HS3ST4: variants seen among roughly 807,000 people sequenced by gnomAD.
HS3ST4 encodes heparan sulfate-glucosamine 3-sulfotransferase 4.
Under a neutral mutation model 29.2 loss-of-function variants are expected in HS3ST4, and 17 were observed. The ratio of observed to expected loss-of-function variants is 0.58; its 90% CI spans 0.40 to 0.87. The LOEUF (loss-of-function observed/expected upper bound fraction) is 0.87, where lower values mean the gene tolerates loss of function less well. HS3ST4 is among the 40% of genes least tolerant of loss of function. The pLI, the probability that HS3ST4 is intolerant of heterozygous loss-of-function variation, is 0.00. For synonymous variants in HS3ST4, 314 were observed against 285.7 expected, an observed-to-expected ratio of 1.10 and a Z score of -1.00; for missense variants, 627 against 634.5, an observed-to-expected ratio of 0.99 and a Z score of 0.13.
chr16:25,714,595 AC>A lies in HS3ST4; in HGVS notation c.734+21447del, dbSNP rs1245061800. On this transcript the variant is annotated intron_variant, in intron 1 of 1. Transcript: ENST00000331351. ...CGCTGAGCTGGGAAGTACTTAAGCC[AC>A]CCTGGTTAACTTCAGAAGCTGCATC... Among the ~76,000 whole-genome samples, 9 of 152,312 alleles carry A rather than the reference AC, an allele frequency of 5.9e-5. No homozygotes were observed. In the South Asian group the frequency reaches 1.9e-3, roughly 32 times the overall value.
chr16:26,096,463 C>G (rs1379814776), intron 1 of HS3ST4, among the ~76,000 whole-genome samples: 1 of 152,296 alleles, frequency 6.6e-6, no homozygotes, highest in South Asian at 2.1e-4. Context: ...TAAACATAAT[C>G]CATCACATAA....
At chr16:26,000,599 T>C (rs956003975) in intron 1 of HS3ST4, among the ~76,000 whole-genome samples, 2 of 152,090 alleles carry the variant, frequency 1.3e-5, no homozygotes, top group Non-Finnish European at 2.9e-5. Context: ...GTAGCATTAG[T>C]AAGGAAGGGA....
intron 1 of HS3ST4, among the ~76,000 whole-genome samples, chr16:25,831,043 GTCT>G (rs1193198223): frequency 1.3e-5 from 2 of 152,150 alleles, no homozygotes; most frequent in African/African-American, 4.8e-5. Context: ...CCTGACTTTA[GTCT>G]TCTTTCCTTC....
At chr16:25,823,368 T>A (rs1967182058) in intron 1 of HS3ST4, among the ~76,000 whole-genome samples, 1 of 152,168 alleles carries the variant, frequency 6.6e-6, no homozygotes, top group Non-Finnish European at 1.5e-5. Context: ...ACTCCTTTCC[T>A]ACGATAATGA....
intron 1 of HS3ST4, among the ~76,000 whole-genome samples, chr16:25,800,072 TCCTTCCTTCCTTCCTTCCTG>T (rs1966917959): frequency 6.0e-5 from 9 of 149,828 alleles, no homozygotes; most frequent in African/African-American, 1.5e-4. Flanking sequence ...CTGCCTTCCT[TCCTTCCTTCCTTCCTTCCTG>T]CCTTCCTTCC....
At chr16:25,776,324 G>T (rs181439666) in intron 1 of HS3ST4, among the ~76,000 whole-genome samples, 1 of 152,260 alleles carries the variant, frequency 6.6e-6, no homozygotes, top group East Asian at 1.9e-4. Context: ...TCTATTCAAA[G>T]TTACCCCTCT....
At chr16:25,939,563 T>C (rs1031027502) in intron 1 of HS3ST4, among the ~76,000 whole-genome samples, 1 of 152,012 alleles carries the variant, frequency 6.6e-6, no homozygotes, top group Admixed American at 6.6e-5. Flanking sequence ...GGTCTGGAAC[T>C]CCCAACCTCA....
chr16:25,829,101 G>A lies in HS3ST4; in HGVS notation c.734+135950G>A, dbSNP rs563719914. The stretch of plus-strand genomic sequence containing the variant: ...AAGGGCAAATGGGGAATACGGCTTA[G>A]TGTGCAACAAGTGTGTCTCTTGGCT... On this transcript the variant is annotated intron_variant, in intron 1 of 1. Transcript: ENST00000331351. Among the ~76,000 whole-genome samples the A allele has an allele frequency of 2.6e-5, 4 of 152,330 alleles. No homozygotes were observed. The East Asian group carries it at 7.7e-4, about 29-fold the overall frequency.
chr16:25,943,511 T>C (rs547401210), intron 1 of HS3ST4, among the ~76,000 whole-genome samples: 2 of 152,350 alleles, frequency 1.3e-5, no homozygotes, highest in South Asian at 2.1e-4. Context: ...GGTGGCTTTA[T>C]GTCTGTTCTA....
intron 1 of HS3ST4, among the ~76,000 whole-genome samples, chr16:26,115,956 T>C (rs1899196460): frequency 6.6e-6 from 1 of 152,240 alleles, no homozygotes; most frequent in African/African-American, 2.4e-5. Flanking sequence ...GCAATTGTAG[T>C]GATTCTCTAT....
chr16:26,064,081 A>G (rs1388830508), intron 1 of HS3ST4, among the ~76,000 whole-genome samples: 2 of 152,152 alleles, frequency 1.3e-5, no homozygotes, highest in Non-Finnish European at 2.9e-5. Context: ...AAACAAGAGA[A>G]TGGGGCTAGT....
In HS3ST4 at chr16:25,895,345, G is replaced by A. The variant is rs1567266931; in HGVS notation, c.734+202194G>A. On this transcript the variant is annotated intron_variant, in intron 1 of 1. Transcript: ENST00000331351. ...GATCAGACAATGTAGGTCTGGGGAC[G>A]ACATATGAGGACGATGGAGAATGAT... 3.3e-5 allele frequency among the ~76,000 whole-genome samples: 5 copies of A among 152,174 alleles called. No individual in the cohort carries two copies. In the South Asian group the frequency reaches 1.0e-3, roughly 32 times the overall value.
intron 1 of HS3ST4, among the ~76,000 whole-genome samples, chr16:25,775,179 T>G (rs954461550): frequency 6.6e-6 from 1 of 152,182 alleles, no homozygotes; most frequent in African/African-American, 2.4e-5. Context: ...GTCTGTTTGA[T>G]GTGTCGGAGG....
At chr16:26,119,359 G>A (rs942064944) in intron 1 of HS3ST4, among the ~76,000 whole-genome samples, 1 of 152,232 alleles carries the variant, frequency 6.6e-6, no homozygotes, top group Non-Finnish European at 1.5e-5. Flanking sequence ...GAATGATGGA[G>A]CGATGGGAAG....
At position 25,985,509 on chromosome 16, in the gene HS3ST4, T is replaced by G. The variant is rs543884684; in HGVS notation, c.735-150103T>G. Among the ~76,000 whole-genome samples, 559 of 152,286 alleles carry G rather than the reference T, an allele frequency of 3.7e-3. 5 individuals carry two copies. The highest frequency in any genetic ancestry group is 0.013 in the African/African-American group (530 of 41,556). The stretch of plus-strand genomic sequence containing the variant: ...GGTGGAAAGAGGGTTCTCTTAACAT[T>G]AAGTGCATTTTCACCCTTAAGCTTC... On this transcript the variant is annotated intron_variant, in intron 1 of 1. Transcript: ENST00000331351.
chr16:25,721,985 T>C (rs531949830), intron 1 of HS3ST4, among the ~76,000 whole-genome samples: 3 of 152,338 alleles, frequency 2.0e-5, no homozygotes, highest in African/African-American at 7.2e-5. Context: ...CCTGCTCAAC[T>C]GTGACTGGAT....
chr16:26,013,564 G>A (rs1236787081), intron 1 of HS3ST4, among the ~76,000 whole-genome samples: 2 of 152,102 alleles, frequency 1.3e-5, no homozygotes, highest in African/African-American at 4.8e-5. Flanking sequence ...AAGTGCCAGG[G>A]ACTAAGCTCA....
intron 1 of HS3ST4, among the ~76,000 whole-genome samples, chr16:26,037,354 C>T (rs1238083307): frequency 1.3e-5 from 2 of 152,186 alleles, no homozygotes; most frequent in African/African-American, 4.8e-5. Context: ...TCTTGGATCT[C>T]TTCTCCTAAG....
At chr16:25,709,411 G>A (rs115567381) in intron 1 of HS3ST4, among the ~76,000 whole-genome samples, 6,236 of 152,190 alleles carry the variant, frequency 0.041, 170 homozygotes, top group Middle Eastern at 0.078. Context: ...TAGTTTCCCT[G>A]GAGGCCCCTG....
Sources: gnomAD v4.1 joint callset for allele counts (sites outside exome capture counted in the v4.1 genomes callset) on GRCh38, gnomAD v4.1.1 for gene constraint, MANE v1.5 for transcripts, NCBI Gene and HGNC (gene_info 2026-07-23, HGNC 2026-07-21) for gene names.